The following CAPRIN2 variants were observed in gnomAD, a reference collection of about 807,000 sequenced individuals.
The protein encoded by CAPRIN2 is caprin-2.
A neutral mutation model predicts 130.4 loss-of-function variants in CAPRIN2; 66 were observed. The observed-to-expected ratio is 0.51, with a 90% confidence interval of 0.42 to 0.62. CAPRIN2 has a LOEUF of 0.62. Among genes scored for constraint, CAPRIN2 ranks in the 20% least tolerant of loss-of-function variants. The probability of loss-of-function intolerance (pLI) is 0.00; values close to 1 mark genes in which losing one functional copy is unlikely to be tolerated. For missense variants in CAPRIN2, 1,185 were observed against 1,246.6 expected, an observed-to-expected ratio of 0.95 and a Z score of 0.74; for synonymous variants, 471 against 444.1, an observed-to-expected ratio of 1.06 and a Z score of -0.76.
At chr12:30,738,498 C>A (rs1313531360) in intron 3 of CAPRIN2, among the ~76,000 whole-genome samples, 1 of 152,048 alleles carries the variant, frequency 6.6e-6, no homozygotes, top group African/African-American at 2.4e-5. Context: ...TAGGAACTGG[C>A]AAAGATTTTG....
chr12:30,711,858 T>C, intron 15 of CAPRIN2: 1 of 656,086 alleles, frequency 1.5e-6, no homozygotes, highest in Non-Finnish European at 2.8e-6. Flanking sequence ...TCAGATCTGT[T>C]AATACCTGAA....
intron 13 of CAPRIN2, chr12:30,715,607 C>T (rs1370920085): frequency 1.1e-5 from 4 of 353,394 alleles, no homozygotes; most frequent in African/African-American, 6.5e-5. Context: ...AATTACACAA[C>T]AGTTTGGTTG....
At chr12:30,736,321 G>A (rs2138556325) in intron 3 of CAPRIN2, among the ~76,000 whole-genome samples, 1 of 150,336 alleles carries the variant, frequency 6.7e-6, no homozygotes, top group Non-Finnish European at 1.5e-5. Context: ...AACCTAAAAG[G>A]TCTTTTCCCT....
chr12:30,738,122 A>T (rs942398933), intron 3 of CAPRIN2, among the ~76,000 whole-genome samples: 5 of 152,334 alleles, frequency 3.3e-5, no homozygotes, highest in Admixed American at 6.5e-5. Flanking sequence ...AGGTAAAATT[A>T]AAAAAACCTC....
At chr12:30,754,645 G>C (rs1199006262), upstream of CAPRIN2, 1 of 150,638 alleles carries the variant, frequency 6.6e-6, no homozygotes, top group Non-Finnish European at 1.5e-5. Flanking sequence ...ATGCCAAGCC[G>C]CCCCTCCACC....
chr12:30,715,338 TA>T, intron 13 of CAPRIN2, 197 bp from the exon 16 acceptor site: 3 of 649,330 alleles, frequency 4.6e-6, no homozygotes, highest in South Asian at 3.3e-5. Context: ...TTATTCAGCC[TA>T]AAAAAGGAAG....
chr12:30,720,331 G>A (rs1416946410), intron 12 of CAPRIN2: 1 of 153,984 alleles, frequency 6.5e-6, no homozygotes, highest in Non-Finnish European at 1.4e-5. Flanking sequence ...TGATCCACCT[G>A]CCTCGGCCTC....
chr12:30,732,210 G>T (rs1473840196), intron 5 of CAPRIN2, among the ~76,000 whole-genome samples: 5 of 151,942 alleles, frequency 3.3e-5, no homozygotes, highest in Non-Finnish European at 7.4e-5. Context: ...AAATGATGCT[G>T]AGGTCACTAC....
chr12:30,727,032 A>G (rs569416441), intron 8 of CAPRIN2, among the ~76,000 whole-genome samples: 37 of 152,292 alleles, frequency 2.4e-4, no homozygotes, highest in African/African-American at 8.2e-4. Context: ...AGCAAATTAA[A>G]TATGTTTTGA....
In CAPRIN2 at chr12:30,713,811, ACT is replaced by A. The variant is rs750406877; in HGVS notation, c.2573_2574del (p.Glu858ValfsTer11). The stretch of plus-strand genomic sequence containing the variant: ...CTTTGGGAATAAGGTGCTCCAGAAT[ACT>A]CTCTAGCTTGGAACTGCAGCTGGCT... On this transcript the variant is annotated frameshift_variant, in exon 15 of 17. Coordinates refer to ENST00000298892, the Ensembl canonical transcript of CAPRIN2. LOFTEE classifies it high-confidence loss of function. 6.2e-7 allele frequency: 1 copy of A among 1,608,604 alleles called. No homozygotes were observed.
chr12:30,712,136 T>C (rs2055069801), intron 15 of CAPRIN2, among the ~76,000 whole-genome samples: 2 of 152,008 alleles, frequency 1.3e-5, no homozygotes, highest in African/African-American at 4.8e-5. Context: ...AAATATAATC[T>C]AATATATTAA....
intron 3 of CAPRIN2, among the ~76,000 whole-genome samples, chr12:30,735,599 A>G (rs1019644810): frequency 1.3e-5 from 2 of 152,150 alleles, no homozygotes; most frequent in Non-Finnish European, 1.5e-5. Context: ...GGGAAAAAAT[A>G]TTTAAACTAA....
chr12:30,731,392 T>C (rs756114239), exon 6 of CAPRIN2: 2 of 1,613,156 alleles, frequency 1.2e-6, no homozygotes, highest in South Asian at 1.1e-5. Context: ...TTTTCTCTGA[T>C]TGTATTAGCA....
chr12:30,721,203 G>A (rs879680543), intron 11 of CAPRIN2, among the ~76,000 whole-genome samples: 2 of 152,148 alleles, frequency 1.3e-5, no homozygotes, highest in Non-Finnish European at 2.9e-5. Context: ...CAAGCAGCCA[G>A]CTAGCTACAC....
intron 2 of CAPRIN2, among the ~76,000 whole-genome samples, chr12:30,743,382 C>G (rs1382439692): frequency 6.6e-6 from 1 of 152,164 alleles, no homozygotes; most frequent in Non-Finnish European, 1.5e-5. Flanking sequence ...ACCTCATCAA[C>G]CTGGATTCCG....
chr12:30,734,305 T>C (rs1414145492), intron 4 of CAPRIN2, among the ~76,000 whole-genome samples: 5 of 152,192 alleles, frequency 3.3e-5, no homozygotes, highest in African/African-American at 9.7e-5. Context: ...GACTCTACTT[T>C]AGTAGGGCTA....
chr12:30,724,528 A>C, intron 9 of CAPRIN2, 77 bp from the exon 11 acceptor site: 2 of 946,276 alleles, frequency 2.1e-6, no homozygotes, highest in Non-Finnish European at 3.4e-6. Context: ...ATTATTCATG[A>C]TGCTGCCTAT....
intron 3 of CAPRIN2, among the ~76,000 whole-genome samples, chr12:30,738,053 G>A (rs2065708978): frequency 6.6e-6 from 1 of 151,994 alleles, no homozygotes; most frequent in Non-Finnish European, 1.5e-5. Context: ...CTGCAAAACT[G>A]GCTATCATAG....
intron 3 of CAPRIN2, among the ~76,000 whole-genome samples, chr12:30,736,714 G>A (rs1257382827): frequency 6.6e-6 from 1 of 152,218 alleles, no homozygotes; most frequent in Non-Finnish European, 1.5e-5. Flanking sequence ...GAAAGGCTCA[G>A]TAAGGCTTTT....
Sources: gnomAD v4.1 joint callset for allele counts (sites outside exome capture counted in the v4.1 genomes callset) on GRCh38, gnomAD v4.1.1 for gene constraint, MANE v1.5 for transcripts, NCBI Gene and HGNC (gene_info 2026-07-23, HGNC 2026-07-21) for gene names.